JAM3: variants seen among roughly 807,000 people sequenced by gnomAD.
JAM3 encodes junctional adhesion molecule 3, also known as junctional adhesion molecule C.
Under a neutral mutation model 39.4 loss-of-function variants are expected in JAM3, and 31 were observed. The observed-to-expected ratio is 0.79, with a 90% CI of 0.59 to 1.06. The LOEUF is 1.06. Among genes scored for constraint, JAM3 ranks in the 50% least tolerant of loss-of-function variants. The pLI is 0.00. For synonymous variants in JAM3, 182 were observed against 148.7 expected (o/e 1.22, Z -1.63); for missense variants, 455 against 391.4 (o/e 1.16, Z -1.37).
intron 1 of JAM3, chr11:134,124,393 T>A: frequency 1.6e-6 from 1 of 616,884 alleles, no homozygotes; most frequent in Non-Finnish European, 2.9e-6. Flanking sequence ...AATCAATAAA[T>A]CAAAATGTTT....
chr11:134,115,560 A>G (rs969063122), intron 1 of JAM3, among the ~76,000 whole-genome samples: 9 of 152,130 alleles, frequency 5.9e-5, no homozygotes, highest in South Asian at 4.1e-4. Flanking sequence ...AAAGTCTTCA[A>G]TTTGAGTTTA....
At chr11:134,138,470 G>A (rs527733382) in intron 1 of JAM3, among the ~76,000 whole-genome samples, 42 of 149,794 alleles carry the variant, frequency 2.8e-4, no homozygotes, top group African/African-American at 1.1e-3. Flanking sequence ...GTGGTGTCTC[G>A]TCGAAGTCGT....
At chr11:134,128,565 T>G (rs1321297940) in intron 1 of JAM3, among the ~76,000 whole-genome samples, 4 of 152,142 alleles carry the variant, frequency 2.6e-5, no homozygotes, top group Non-Finnish European at 5.9e-5. Flanking sequence ...TTCTCATGAT[T>G]GTGAGTTCTC....
chr11:134,116,964 A>T (rs951140088), intron 1 of JAM3, among the ~76,000 whole-genome samples: 3 of 152,000 alleles, frequency 2.0e-5, no homozygotes, highest in Non-Finnish European at 2.9e-5. Flanking sequence ...ATTTATAGTT[A>T]TTTGTTTAAC....
intron 1 of JAM3, among the ~76,000 whole-genome samples, chr11:134,117,265 T>C (rs1322956755): frequency 2.0e-5 from 3 of 152,114 alleles, no homozygotes; most frequent in Admixed American, 2.0e-4. Flanking sequence ...TAATCCCAGC[T>C]ACTCAGGAGG....
intron 1 of JAM3, among the ~76,000 whole-genome samples, chr11:134,083,871 C>T (rs1941705609): frequency 6.6e-6 from 1 of 152,114 alleles, no homozygotes; most frequent in Non-Finnish European, 1.5e-5. Flanking sequence ...TTTGGCTTTC[C>T]AGGTGACAGA....
chr11:134,092,253 A>C (rs1941875672), intron 1 of JAM3, among the ~76,000 whole-genome samples: 1 of 152,134 alleles, frequency 6.6e-6, no homozygotes, highest in Non-Finnish European at 1.5e-5. Context: ...TGCGCTCTGC[A>C]GCCACCTTGT....
intron 4 of JAM3, 105 bp downstream of exon 4, chr11:134,144,498 T>G (rs1943033461): frequency 7.3e-7 from 1 of 1,369,194 alleles, no homozygotes; most frequent in African/African-American, 1.4e-5. Context: ...GGGCTTCACA[T>G]GGCTTAGGGA....
intron 1 of JAM3, among the ~76,000 whole-genome samples, chr11:134,127,236 C>T (rs1016612149): frequency 3.9e-5 from 6 of 152,182 alleles, no homozygotes; most frequent in African/African-American, 7.2e-5. Flanking sequence ...GCCACATCAT[C>T]GGTTGTAAAT....
chr11:134,127,193 T>C (rs888514901), intron 1 of JAM3, among the ~76,000 whole-genome samples: 1 of 152,192 alleles, frequency 6.6e-6, no homozygotes, highest in African/African-American at 2.4e-5. Context: ...GCTGGCTCCA[T>C]CACTTGGCTG....
chr11:134,113,488 C>A (rs1942358802), intron 1 of JAM3, among the ~76,000 whole-genome samples: 1 of 152,114 alleles, frequency 6.6e-6, no homozygotes, highest in Non-Finnish European at 1.5e-5. Flanking sequence ...TGATGGTTTC[C>A]AGCTTCATCC....
intron 1 of JAM3, among the ~76,000 whole-genome samples, chr11:134,134,639 G>A (rs1418002599): frequency 5.9e-5 from 9 of 152,090 alleles, no homozygotes; most frequent in Non-Finnish European, 5.9e-5. Context: ...AGTGTACAGG[G>A]TTTGGGATTC....
At chr11:134,135,626 C>G (rs186488967) in intron 1 of JAM3, among the ~76,000 whole-genome samples, 1 of 151,870 alleles carries the variant, frequency 6.6e-6, no homozygotes, top group Non-Finnish European at 1.5e-5. Flanking sequence ...TAACCCCCAC[C>G]TCCTGGGTTC....
At chr11:134,113,807 C>G (rs1401493501) in intron 1 of JAM3, among the ~76,000 whole-genome samples, 2 of 152,198 alleles carry the variant, frequency 1.3e-5, no homozygotes, top group African/African-American at 4.8e-5. Flanking sequence ...ACAGTCCCAC[C>G]AACAGTGTAA....
chr11:134,141,824 C>T (rs543322991), intron 3 of JAM3, among the ~76,000 whole-genome samples: 15 of 151,894 alleles, frequency 9.9e-5, no homozygotes, highest in Non-Finnish European at 1.5e-4. Flanking sequence ...GACAGGAGGG[C>T]GGGAGCTGCA....
chr11:134,082,174 T>C (rs968904107), intron 1 of JAM3, among the ~76,000 whole-genome samples: 34 of 152,276 alleles, frequency 2.2e-4, no homozygotes, highest in African/African-American at 8.2e-4. Flanking sequence ...GGAATGGCTT[T>C]ATTTACCTAA....
chr11:134,149,876 G>T lies in JAM3; in HGVS notation c.*695G>T. The T allele has an allele frequency of 3.8e-6, 1 of 264,500 alleles. No individual in the cohort carries two copies. The highest frequency in any genetic ancestry group is 7.6e-6 in the Non-Finnish European group (1 of 131,936). 16.4% of individuals were successfully genotyped at this position (264,500 alleles called of 1,614,324 possible). ...CTTCGTCTTAGGCTAAGTCTGAAATGGTACTGAAATATGCTTTTCTATGGG... is the reference window on the plus strand; with the variant it reads ...CTTCGTCTTAGGCTAAGTCTGAAATTGTACTGAAATATGCTTTTCTATGGG... On this transcript the variant is annotated 3_prime_UTR_variant, in exon 9 of 9. Coordinates refer to ENST00000299106, the MANE Select transcript of JAM3 (RefSeq NM_032801.5).
chr11:134,101,367 T>G lies in JAM3; in HGVS notation c.76+32208T>G, dbSNP rs12223555. On this transcript the variant is annotated intron_variant, in intron 1 of 8. Coordinates refer to ENST00000299106, the MANE Select transcript of JAM3 (RefSeq NM_032801.5). ...GACAGCTATTTAACTATAAGTAGAG[T>G]CATTTGAAATGCAGAAGACCAGAAT... 1.1e-4 allele frequency among the ~76,000 whole-genome samples: 16 copies of G among 152,236 alleles called. No individual in the cohort carries two copies. The East Asian group carries it at 1.9e-3, about 18-fold the overall frequency.
intron 1 of JAM3, among the ~76,000 whole-genome samples, chr11:134,074,056 AAGATG>A (rs1941525245): frequency 6.6e-6 from 1 of 152,178 alleles, no homozygotes; most frequent in East Asian, 1.9e-4. Flanking sequence ...GAAGGAGAAA[AAGATG>A]GAGAAATGCT....
Sources: gnomAD v4.1 joint callset for allele counts (sites outside exome capture counted in the v4.1 genomes callset) on GRCh38, gnomAD v4.1.1 for gene constraint, MANE v1.5 for transcripts, NCBI Gene and HGNC (gene_info 2026-07-23, HGNC 2026-07-21) for gene names.